The following MAPKAP1 variants were observed in gnomAD, a reference collection of about 807,000 sequenced individuals.
MAPKAP1 encodes target of rapamycin complex 2 subunit MAPKAP1.
Under a neutral mutation model 65.7 loss-of-function variants are expected in MAPKAP1, and 20 were observed. That is an observed-to-expected ratio of 0.30 (90% CI 0.21 to 0.44). The LOEUF is 0.44. MAPKAP1 is among the 20% of genes least tolerant of loss of function. The probability of loss-of-function intolerance (pLI) is 1.00; values close to 1 mark genes in which losing one functional copy is unlikely to be tolerated. For missense variants in MAPKAP1, 423 were observed against 648.0 expected (o/e 0.65, Z 3.77); for synonymous variants, 222 against 244.3 (o/e 0.91, Z 0.85).
intron 1 of MAPKAP1, among the ~76,000 whole-genome samples, chr9:125,677,531 A>C (rs936876949): frequency 2.6e-5 from 4 of 152,116 alleles, no homozygotes; most frequent in Admixed American, 2.6e-4. Flanking sequence ...CCCCGTCTCT[A>C]CTAAAAATAT....
intron 1 of MAPKAP1, among the ~76,000 whole-genome samples, chr9:125,701,126 T>C (rs1337052563): frequency 6.6e-6 from 1 of 152,188 alleles, no homozygotes; most frequent in Non-Finnish European, 1.5e-5. Flanking sequence ...GCATATCAAT[T>C]AGAAACAGAA....
intron 4 of MAPKAP1, among the ~76,000 whole-genome samples, chr9:125,641,946 T>C (rs1228127685): frequency 6.6e-6 from 1 of 152,126 alleles, no homozygotes; most frequent in African/African-American, 2.4e-5. Flanking sequence ...AGAAGATAAT[T>C]ACTTGAACCT....
chr9:125,669,237 T>A (rs151241413), intron 3 of MAPKAP1, among the ~76,000 whole-genome samples: 3,530 of 150,338 alleles, frequency 0.023, 53 homozygotes, highest in Middle Eastern at 0.045. Context: ...TCCCAGCACC[T>A]CAGGAGGCCA....
intron 4 of MAPKAP1, among the ~76,000 whole-genome samples, chr9:125,605,184 T>G (rs1832405923): frequency 6.6e-6 from 1 of 152,270 alleles, no homozygotes; most frequent in Admixed American, 6.5e-5. Flanking sequence ...CTTTTCATTA[T>G]GCTACAAACA....
rs138616192 is a variant in MAPKAP1, at chr9:125,504,674, T to C, written c.1066+1636A>G. Among the ~76,000 whole-genome samples, 981 of 152,246 alleles carry C rather than the reference T, an allele frequency of 6.4e-3. 16 individuals are homozygous for C. The highest frequency in any genetic ancestry group is 0.023 in the African/African-American group (952 of 41,552). On this transcript the variant is annotated intron_variant, in intron 8 of 11. Transcript: ENST00000265960. ...CAGGGGTGGTGGTGCATGCCTGTAATCCCAGTTACTTGGGAGGCTGACACA... is the reference window on the plus strand; with the variant it reads ...CAGGGGTGGTGGTGCATGCCTGTAACCCCAGTTACTTGGGAGGCTGACACA...
intron 1 of MAPKAP1, among the ~76,000 whole-genome samples, chr9:125,686,109 G>A (rs1834965562): frequency 6.6e-6 from 1 of 152,086 alleles, no homozygotes; most frequent in South Asian, 2.1e-4. Context: ...AAGGTCAGGA[G>A]ATCGAGACCA....
intron 7 of MAPKAP1, among the ~76,000 whole-genome samples, chr9:125,530,065 A>C (rs548630886): frequency 6.6e-6 from 1 of 152,252 alleles, no homozygotes; most frequent in African/African-American, 2.4e-5. Flanking sequence ...AAACAGCTCC[A>C]GTATCAGGCC....
Position 125,447,841 on chromosome 9 carries a change from C to G in MAPKAP1, c.1346-3243G>C, listed in dbSNP as rs1852777183. 6.6e-6 allele frequency among the ~76,000 whole-genome samples: 1 copy of G among 152,126 alleles called. No homozygotes were observed. The highest frequency in any genetic ancestry group is 2.4e-5 in the African/African-American group (1 of 41,420). Reference sequence around the variant, plus strand: ...GCAGTTTTGGAGGAGGGCAGGGAGTCAGCTGGGTAAAGGTGAGGGTGGAGA... The same window carrying G: ...GCAGTTTTGGAGGAGGGCAGGGAGTGAGCTGGGTAAAGGTGAGGGTGGAGA... On this transcript the variant is annotated intron_variant, in intron 10 of 11. Transcript: ENST00000265960. The surrounding 1 kb of genome is among the most constrained non-coding windows in gnomAD (Gnocchi z 4.5).
In MAPKAP1 at chr9:125,596,295, G is replaced by C. The variant is rs10124716; in HGVS notation, c.499-10568C>G. 2,392 of 760,114 alleles carry C rather than the reference G, an allele frequency of 3.1e-3. 32 individuals are homozygous for C. In the African/African-American group the frequency reaches 0.035, roughly 11 times the overall value. The allele number at this position is 760,114 out of a possible 1,614,324, so 47.1% of individuals were successfully genotyped here. A position where few individuals can be genotyped will look rare whatever the true frequency, so the allele number is the denominator to read the frequency against. ...TGGTGGTGGTCGTGAAGGTGACTTCGGTAGGAATGACAACTTTGGTCATGG... is the reference window on the plus strand; with the variant it reads ...TGGTGGTGGTCGTGAAGGTGACTTCCGTAGGAATGACAACTTTGGTCATGG... On this transcript the variant is annotated intron_variant, in intron 4 of 11. Coordinates refer to ENST00000265960, the MANE Select transcript of MAPKAP1 (RefSeq NM_001006617.3).
intron 4 of MAPKAP1, among the ~76,000 whole-genome samples, chr9:125,618,341 CAAAAAAAA>C (rs60166871): frequency 1.9e-4 from 6 of 31,216 alleles, no homozygotes; most frequent in East Asian, 1.0e-3. Flanking sequence ...GGCTCCGTCT[CAAAAAAAA>C]AAAAAAAAAA....
chr9:125,585,308 T>C (rs1384061286), intron 5 of MAPKAP1, among the ~76,000 whole-genome samples: 1 of 152,146 alleles, frequency 6.6e-6, no homozygotes, highest in Non-Finnish European at 1.5e-5. Context: ...TTAGCAGGGA[T>C]CATAAAAGGG....
chr9:125,589,052 T>C (rs1831874489), intron 4 of MAPKAP1, among the ~76,000 whole-genome samples: 1 of 152,198 alleles, frequency 6.6e-6, no homozygotes, highest in Non-Finnish European at 1.5e-5. Context: ...TGACTCCTCA[T>C]CCTCTAATGT....
At chr9:125,589,193 A>G (rs993525209) in intron 4 of MAPKAP1, among the ~76,000 whole-genome samples, 7 of 152,214 alleles carry the variant, frequency 4.6e-5, no homozygotes, top group African/African-American at 1.7e-4. Context: ...TTATTATTAT[A>G]CAGGGCTCAG....
At chr9:125,449,343 T>G (rs1412497963) in intron 10 of MAPKAP1, among the ~76,000 whole-genome samples, 6 of 152,196 alleles carry the variant, frequency 3.9e-5, no homozygotes, top group Non-Finnish European at 8.8e-5. Flanking sequence ...AGGGAGGTGG[T>G]CATTCATTTA....
chr9:125,576,858 T>C (rs1589303232), intron 5 of MAPKAP1, among the ~76,000 whole-genome samples: 1 of 151,950 alleles, frequency 6.6e-6, no homozygotes, highest in Non-Finnish European at 1.5e-5. Flanking sequence ...TGGCGTGATC[T>C]CGGCTCGTTA....
At chr9:125,550,366 G>A (rs981516640) in intron 6 of MAPKAP1, among the ~76,000 whole-genome samples, 18 of 152,162 alleles carry the variant, frequency 1.2e-4, no homozygotes, top group South Asian at 4.1e-4. Flanking sequence ...ATGGCCAAAG[G>A]GGGAAGCATC....
chr9:125,622,393 T>C (rs1365665891), intron 4 of MAPKAP1, among the ~76,000 whole-genome samples: 2 of 152,228 alleles, frequency 1.3e-5, no homozygotes, highest in African/African-American at 2.4e-5. Flanking sequence ...CATATCAAAA[T>C]ATCACTATGT....
chr9:125,496,064 C>T (rs963413260), intron 8 of MAPKAP1, among the ~76,000 whole-genome samples: 6 of 152,200 alleles, frequency 3.9e-5, no homozygotes, highest in Non-Finnish European at 8.8e-5. Context: ...AGCCTCACAA[C>T]GCTTTACAGG....
chr9:125,447,540 G>A lies in MAPKAP1; in HGVS notation c.1346-2942C>T, dbSNP rs1245091208. ...GCAGCCATGCTGGGCCATAGGACAT[G>A]GGGCGGACTCACTCCGCGGGCGTTT... is the stretch of plus-strand genomic sequence containing the variant. On this transcript the variant is annotated intron_variant, in intron 10 of 11. Transcript: ENST00000265960. This position sits in a 1 kb window ranked among gnomAD's most constrained non-coding sequence, Gnocchi z 4.5. The A allele has an allele frequency of 4.4e-6, 2 of 454,896 alleles. No homozygotes were observed. The highest frequency in any genetic ancestry group is 8.8e-6 in the Non-Finnish European group (2 of 226,088). The allele number at this position is 454,896 out of a possible 1,614,324, so 28.2% of individuals were successfully genotyped here.
Sources: allele counts gnomAD v4.1 joint callset (sites outside exome capture counted in the v4.1 genomes callset), GRCh38; gene constraint gnomAD v4.1.1; non-coding constraint Gnocchi (gnomAD v3.1); transcripts MANE v1.5; gene names NCBI Gene and HGNC (gene_info 2026-07-23, HGNC 2026-07-21).